Variants in SYNDIG1L observed in about 807,000 individuals in gnomAD.
SYNDIG1L encodes the protein synapse differentiation-inducing gene protein 1-like.
In SYNDIG1L, 13 loss-of-function variants were observed where a neutral mutation model predicts 20.1. That is an observed-to-expected ratio of 0.65 (90% CI 0.42 to 1.03). The LOEUF (loss-of-function observed/expected upper bound fraction) is 1.03, where lower values mean the gene tolerates loss of function less well. Among genes scored for constraint, SYNDIG1L ranks in the 50% least tolerant of loss-of-function variants. The pLI is 0.00. For missense variants in SYNDIG1L, 294 were observed against 305.1 expected (o/e 0.96, Z 0.27); for synonymous variants, 128 against 129.3 (o/e 0.99, Z 0.07).
chr14:74,462,276 G>C, the SYNDIG1L span, among the ~76,000 whole-genome samples: 1 of 151,368 alleles, frequency 6.6e-6, no homozygotes, highest in Non-Finnish European at 1.5e-5. Context: ...CTGAGGTCAG[G>C]AGTTCGAGAC....
the SYNDIG1L span, among the ~76,000 whole-genome samples, chr14:74,439,988 TTAAC>T: frequency 6.6e-6 from 1 of 152,172 alleles, no homozygotes; most frequent in Non-Finnish European, 1.5e-5. Context: ...TTCCAACTGA[TTAAC>T]TATGTATTGT....
rs779344831 is a variant in SYNDIG1L, at chr14:74,409,492, C to T, written c.253G>A (p.Gly85Ser). 5.0e-6 allele frequency: 8 copies of T among 1,612,184 alleles called. 1 individual carries two copies. In the South Asian group the frequency reaches 8.8e-5, roughly 18 times the overall value. ...GRDKVKEPRA[G>S]SCETSFTEDR... Reference sequence around the variant, plus strand: ...TCTGTGAAGCTTGTCTCACAGCTGCCTGCCCTGGGCTCCTTGACCTTGTCT... The same window carrying T: ...TCTGTGAAGCTTGTCTCACAGCTGCTTGCCCTGGGCTCCTTGACCTTGTCT... The change falls in exon 2 of 4, where the codon GGC becomes AGC. Residue 85 changes from glycine (G) to serine (S), a missense_variant. Gly to Ser is a moderately conservative substitution (Grantham distance 56). Coordinates refer to ENST00000331628, the MANE Select transcript of SYNDIG1L (RefSeq NM_001105579.2).
At chr14:74,468,183 G>T in the SYNDIG1L span, among the ~76,000 whole-genome samples, 1 of 152,126 alleles carries the variant, frequency 6.6e-6, no homozygotes, top group South Asian at 2.1e-4. Flanking sequence ...TTCCTCCCTT[G>T]TCAGATGGAG....
chr14:74,462,520 G>T, the SYNDIG1L span, among the ~76,000 whole-genome samples: 1 of 151,594 alleles, frequency 6.6e-6, no homozygotes, highest in East Asian at 2.0e-4. Context: ...TAAGCTATGA[G>T]TTTGGTAGGT....
the SYNDIG1L span, among the ~76,000 whole-genome samples, chr14:74,460,846 A>G: frequency 0.036 from 5,549 of 152,230 alleles, 363 homozygotes; most frequent in African/African-American, 0.13. Flanking sequence ...ACAGGGTTTC[A>G]CCATGTTGGC....
Position 74,406,329 on chromosome 14 carries a change from T to C in SYNDIG1L, c.*1206A>G. The C allele has an allele frequency of 2.7e-6, 1 of 365,686 alleles. No homozygotes were observed. The highest frequency in any genetic ancestry group is 4.6e-5 in the Admixed American group (1 of 21,704). The allele number at this position is 365,686 out of a possible 1,614,324, so 22.7% of individuals were successfully genotyped here. On this transcript the variant is annotated 3_prime_UTR_variant, in exon 4 of 4. Transcript: ENST00000331628. ...CTTTGAGAGACAGGTGTGACGTTCC[T>C]CCTTGAGTTGGCAGAACCCTTAGGA...
At chr14:74,429,615 C>T (rs1042180742), upstream of SYNDIG1L, among the ~76,000 whole-genome samples, 4 of 152,234 alleles carry the variant, frequency 2.6e-5, no homozygotes, top group African/African-American at 4.8e-5. Context: ...GTTGAGCTCA[C>T]GGCCAAGGCC....
chr14:74,419,643 G>A (rs1163139402), intron 1 of SYNDIG1L, among the ~76,000 whole-genome samples: 1 of 152,248 alleles, frequency 6.6e-6, no homozygotes, highest in African/African-American at 2.4e-5. Context: ...AGTTTCAATA[G>A]ATGGAGTAAG....
At position 74,407,913 on chromosome 14, in the gene SYNDIG1L, G is replaced by GT; in HGVS notation, c.493dup (p.Thr165AsnfsTer89). 1 of 1,613,926 alleles carries GT rather than the reference G, an allele frequency of 6.2e-7. No individual in the cohort carries two copies. Among genetic ancestry groups the GT allele is most frequent in the South Asian group, 1.1e-5 (1 of 91,062 alleles). On this transcript the variant is annotated frameshift_variant, in exon 3 of 4. Transcript: ENST00000331628. LOFTEE classifies it high-confidence loss of function. ...GAAGCAGCAGAGCATGGAGAAGAGA[G>GT]TAAGTCCCAGGTGGTCCCTGGGAGG...
chr14:74,416,342 AAAAGAC>A (rs1041054531), intron 1 of SYNDIG1L, among the ~76,000 whole-genome samples: 70 of 152,340 alleles, frequency 4.6e-4, no homozygotes, highest in African/African-American at 1.7e-3. Context: ...GATGACTTAA[AAAAGAC>A]AAAGAGGCTA....
chr14:74,408,937 C>T (rs1003046461), intron 2 of SYNDIG1L, among the ~76,000 whole-genome samples: 1 of 152,088 alleles, frequency 6.6e-6, no homozygotes, highest in Admixed American at 6.6e-5. Flanking sequence ...CTCAAAGCAT[C>T]GGCTGTACAT....
At chr14:74,442,238 A>G in the SYNDIG1L span, among the ~76,000 whole-genome samples, 1 of 152,326 alleles carries the variant, frequency 6.6e-6, no homozygotes, top group Non-Finnish European at 1.5e-5. Context: ...AGCCTAATGC[A>G]GAACACAAAC....
rs1393257094 is a variant in SYNDIG1L, at chr14:74,409,845, G to A, written c.-57-44C>T. The A allele has an allele frequency of 7.6e-6, 10 of 1,308,946 alleles. No individual in the cohort carries two copies. In the East Asian group the frequency reaches 1.4e-4, roughly 18 times the overall value. 81.1% of individuals were successfully genotyped at this position (1,308,946 alleles called of 1,614,324 possible). On this transcript the variant is annotated intron_variant, in intron 1 of 3. Transcript: ENST00000331628. ...AGACAAGCACTGAGGCCAGGGCACT[G>A]GAGGCAGGACCTAAAGTGGTGAAGA...
At chr14:74,430,162 TA>T (rs1460693063), upstream of SYNDIG1L, among the ~76,000 whole-genome samples, 4 of 152,030 alleles carry the variant, frequency 2.6e-5, no homozygotes, top group African/African-American at 9.7e-5. Flanking sequence ...AACCAGAGCA[TA>T]AAGTGAAGGA....
At chr14:74,431,735 G>A in the SYNDIG1L span, among the ~76,000 whole-genome samples, 1 of 152,118 alleles carries the variant, frequency 6.6e-6, no homozygotes, top group African/African-American at 2.4e-5. Flanking sequence ...AGAGAAACAA[G>A]AGGAAATAAC....
the SYNDIG1L span, among the ~76,000 whole-genome samples, chr14:74,457,592 TC>T: frequency 6.6e-5 from 10 of 151,436 alleles, no homozygotes; most frequent in Non-Finnish European, 1.5e-4. Context: ...ATATTCTTCC[TC>T]TCCCTGCTTC....
At chr14:74,438,675 T>C in the SYNDIG1L span, among the ~76,000 whole-genome samples, 2 of 152,304 alleles carry the variant, frequency 1.3e-5, no homozygotes, top group East Asian at 3.9e-4. Context: ...CTGGGCAATC[T>C]TACATTTCCT....
the SYNDIG1L span, among the ~76,000 whole-genome samples, chr14:74,434,128 G>T: frequency 6.6e-6 from 1 of 152,098 alleles, no homozygotes; most frequent in Non-Finnish European, 1.5e-5. Flanking sequence ...TGCTATTAAG[G>T]GTTGTCCCTT....
At chr14:74,476,651 T>G in the SYNDIG1L span, 3 of 1,354,680 alleles carry the variant, frequency 2.2e-6, no homozygotes, top group Non-Finnish European at 3.0e-6. Flanking sequence ...GCTGGCCGGA[T>G]CCACTCACCC....
Sources: gnomAD v4.1 joint callset for allele counts (sites outside exome capture counted in the v4.1 genomes callset) on GRCh38, gnomAD v4.1.1 for gene constraint, MANE v1.5 for transcripts, NCBI Gene and HGNC (gene_info 2026-07-23, HGNC 2026-07-21) for gene names.